Variants in LSM12 observed in about 807,000 individuals in gnomAD.
The protein encoded by LSM12 is protein LSM12.
For synonymous variants in LSM12, 74 were observed against 87.3 expected, an observed-to-expected ratio of 0.85 and a Z score of 0.85; for missense variants, 108 against 238.9, an observed-to-expected ratio of 0.45 and a Z score of 3.61.
At position 44,049,366 on chromosome 17, in the gene LSM12, C is replaced by T. The variant is rs189826118; in HGVS notation, c.259-9110G>A. Among the ~76,000 whole-genome samples, 589 of 152,282 alleles carry T rather than the reference C, an allele frequency of 3.9e-3. 2 individuals are homozygous for T. Among genetic ancestry groups the T allele is most frequent in the Middle Eastern group, 6.8e-3 (2 of 294 alleles). ...TGATCCTACACAATGCAGTCACAAA[C>T]TCCTGGGCTCAAGCGATCTTCCCAC... On this transcript the variant is annotated intron_variant, in intron 2 of 4. Transcript: ENST00000293406.
chr17:44,054,075 T>C (rs920808657), intron 2 of LSM12, among the ~76,000 whole-genome samples: 3 of 152,146 alleles, frequency 2.0e-5, no homozygotes, highest in Non-Finnish European at 4.4e-5. Flanking sequence ...ATTTATCTTT[T>C]CAGGAGGACA....
At chr17:44,041,670 A>T (rs1267476480) in intron 2 of LSM12, among the ~76,000 whole-genome samples, 5 of 152,076 alleles carry the variant, frequency 3.3e-5, no homozygotes, top group Admixed American at 3.3e-4. Flanking sequence ...ATCTAGTAAA[A>T]TCTGGTAGTC....
chr17:44,064,372 C>A (rs1567963902), intron 1 of LSM12, among the ~76,000 whole-genome samples: 2 of 152,206 alleles, frequency 1.3e-5, no homozygotes. Context: ...GCCAGTTAAT[C>A]CATTCATTCA....
At chr17:44,048,842 G>A (rs535302371) in intron 2 of LSM12, among the ~76,000 whole-genome samples, 21 of 152,188 alleles carry the variant, frequency 1.4e-4, no homozygotes, top group African/African-American at 5.1e-4. Context: ...ATAGCACCTT[G>A]ATGTGGGCAA....
chr17:44,062,897 C>G (rs1462038559), intron 2 of LSM12, among the ~76,000 whole-genome samples: 1 of 151,222 alleles, frequency 6.6e-6, no homozygotes, highest in Non-Finnish European at 1.5e-5. Context: ...ACAGTGTGTG[C>G]CTGTCTCCAA....
chr17:44,041,270 C>CT lies in LSM12; in HGVS notation c.259-1015dup, dbSNP rs2049483439. ...TGGGCAAAGAAGTGAGACTCTGTCT[C>CT]TTTAAAAAAAAAAAAAACAAACACA... is the stretch of plus-strand genomic sequence containing the variant. On this transcript the variant is annotated intron_variant, in intron 2 of 4. Coordinates refer to ENST00000293406, the MANE Select transcript of LSM12 (RefSeq NM_001371445.1). 1.0e-4 allele frequency among the ~76,000 whole-genome samples: 3 copies of CT among 28,640 alleles called. No individual in the cohort carries two copies. In the South Asian group the frequency reaches 0.011, roughly 104 times the overall value. 18.8% of individuals were successfully genotyped at this position (28,640 alleles called of 152,430 possible).
At chr17:44,047,614 G>A (rs1167744212) in intron 2 of LSM12, among the ~76,000 whole-genome samples, 1 of 151,996 alleles carries the variant, frequency 6.6e-6, no homozygotes, top group African/African-American at 2.4e-5. Flanking sequence ...CCAGGCTGGA[G>A]TGTACTGGCA....
intron 2 of LSM12, among the ~76,000 whole-genome samples, chr17:44,056,519 G>T (rs545900582): frequency 1.3e-5 from 2 of 152,046 alleles, no homozygotes; most frequent in South Asian, 4.1e-4. Flanking sequence ...CTACTCAGGA[G>T]GGTAAGGCAG....
At chr17:44,058,589 T>C (rs2049753179) in intron 2 of LSM12, among the ~76,000 whole-genome samples, 1 of 151,918 alleles carries the variant, frequency 6.6e-6, no homozygotes, top group Admixed American at 6.6e-5. Flanking sequence ...ACCCAGCACT[T>C]TGGGAGGCCA....
At chr17:44,039,414 G>A (rs1224531076) in intron 3 of LSM12, among the ~76,000 whole-genome samples, 2 of 110,286 alleles carry the variant, frequency 1.8e-5, no homozygotes, top group Non-Finnish European at 3.4e-5. Flanking sequence ...TCGCTCTGTC[G>A]CCCAGGCCGG....
At chr17:44,044,685 T>A (rs1297382446) in intron 2 of LSM12, among the ~76,000 whole-genome samples, 1 of 152,176 alleles carries the variant, frequency 6.6e-6, no homozygotes, top group Non-Finnish European at 1.5e-5. Flanking sequence ...CCGCTCTCAA[T>A]AAAAGAAACT....
chr17:44,037,213 C>T, intron 4 of LSM12, 199 bp downstream of exon 4: 1 of 512,544 alleles, frequency 2.0e-6, no homozygotes, highest in Non-Finnish European at 3.2e-6. Context: ...CACCCACTCA[C>T]TTCTTTCCAC....
At chr17:44,061,130 C>G (rs2049790017) in intron 2 of LSM12, among the ~76,000 whole-genome samples, 1 of 151,964 alleles carries the variant, frequency 6.6e-6, no homozygotes, top group Non-Finnish European at 1.5e-5. Context: ...CCAGCCTGAC[C>G]AACACGGAGA....
rs67446547 is a variant in LSM12 at position 44,045,936 on chromosome 17, CT to C, written c.259-5681del. 9.3e-3 allele frequency among the ~76,000 whole-genome samples: 1,139 copies of C among 122,510 alleles called. 15 individuals are homozygous for C. Among genetic ancestry groups the C allele is most frequent in the African/African-American group, 0.033 (1,054 of 31,700 alleles). 80.4% of individuals were successfully genotyped at this position (122,510 alleles called of 152,430 possible). On this transcript the variant is annotated intron_variant, in intron 2 of 4. Transcript: ENST00000293406. ...TGTATGTAAAAGTAAAAATATTTTACTTTTTTTTTTTTTTTTTTGAGACGGA... is the reference window on the plus strand; with the variant it reads ...TGTATGTAAAAGTAAAAATATTTTACTTTTTTTTTTTTTTTTTGAGACGGA...
intron 2 of LSM12, among the ~76,000 whole-genome samples, chr17:44,040,655 C>T (rs889089216): frequency 1.3e-5 from 2 of 151,900 alleles, no homozygotes; most frequent in Non-Finnish European, 2.9e-5. Context: ...TATGTGATGG[C>T]AAATGATGGT....
chr17:44,058,169 G>C (rs979342576), intron 2 of LSM12, among the ~76,000 whole-genome samples: 1 of 151,248 alleles, frequency 6.6e-6, no homozygotes, highest in African/African-American at 2.4e-5. Context: ...CCCAGGAGGC[G>C]GAGCTTGCAG....
At chr17:44,050,329 C>T (rs2049626387) in intron 2 of LSM12, among the ~76,000 whole-genome samples, 1 of 142,552 alleles carries the variant, frequency 7.0e-6, no homozygotes, top group African/African-American at 2.6e-5. Flanking sequence ...AGGCTGGTCT[C>T]GAACTCCTGA....
chr17:44,041,283 AAAAAC>A (rs1322538231), intron 2 of LSM12, among the ~76,000 whole-genome samples: 58 of 121,776 alleles, frequency 4.8e-4, no homozygotes, highest in Admixed American at 1.6e-3. Context: ...TAAAAAAAAA[AAAAAC>A]AAACACACAC....
At chr17:44,040,748 G>A (rs904434711) in intron 2 of LSM12, among the ~76,000 whole-genome samples, 3 of 151,652 alleles carry the variant, frequency 2.0e-5, no homozygotes, top group Non-Finnish European at 4.4e-5. Flanking sequence ...GCCGAGGCAG[G>A]TGGATCACGA....
Sources: allele counts gnomAD v4.1 joint callset (sites outside exome capture counted in the v4.1 genomes callset), GRCh38; gene constraint gnomAD v4.1.1; transcripts MANE v1.5; gene names NCBI Gene and HGNC (gene_info 2026-07-23, HGNC 2026-07-21).